The following GRIA3 variants were observed in gnomAD, a reference collection of about 807,000 sequenced individuals.
The protein encoded by GRIA3 is glutamate ionotropic receptor AMPA type subunit 3, also known as glutamate receptor 3.
A neutral mutation model predicts 63.0 loss-of-function variants in GRIA3; 3 were observed. The ratio of observed to expected loss-of-function variants is 0.05; its 90% confidence interval spans 0.02 to 0.12. GRIA3 has a LOEUF of 0.12. Ranked by LOEUF, GRIA3 falls within the 10% of genes least tolerant of loss-of-function variation. The pLI, the probability that GRIA3 is intolerant of heterozygous loss-of-function variation, is 1.00. For synonymous variants in GRIA3, 274 were observed against 257.9 expected (o/e 1.06, Z -0.60); for missense variants, 347 against 700.9 (o/e 0.50, Z 5.70).
intron 10 of GRIA3, among the ~76,000 whole-genome samples, 154 bp from the exon 11 acceptor site, chrX:123,417,248 C>T (rs1176079475): frequency 1.8e-5 from 2 of 112,260 alleles, no homozygotes; most frequent in African/African-American, 6.5e-5. Context: ...CCACTGAATG[C>T]TACCACTTTT....
intron 2 of GRIA3, among the ~76,000 whole-genome samples, chrX:123,199,849 A>G (rs1056398862): frequency 8.9e-6 from 1 of 112,153 alleles, no homozygotes; most frequent in Non-Finnish European, 1.9e-5. Flanking sequence ...CTATAGTCAA[A>G]AATGAGCAAA....
At chrX:123,260,448 GAAAGAAAGA>G (rs2044448326) in intron 3 of GRIA3, among the ~76,000 whole-genome samples, 1 of 11,131 alleles carries the variant, frequency 9.0e-5, no homozygotes, top group African/African-American at 2.4e-4. Flanking sequence ...AAGAAAGAAA[GAAAGAAAGA>G]AAGGAAGGAA....
intron 11 of GRIA3, among the ~76,000 whole-genome samples, chrX:123,424,942 T>C (rs1340385279): frequency 8.9e-6 from 1 of 111,910 alleles, no homozygotes; most frequent in Non-Finnish European, 1.9e-5. Flanking sequence ...ACCATTAGTA[T>C]TCACAGCAGC....
intron 12 of GRIA3, among the ~76,000 whole-genome samples, chrX:123,448,612 T>C (rs1213101567): frequency 1.8e-5 from 2 of 112,172 alleles, no homozygotes; most frequent in African/African-American, 6.5e-5. Context: ...AAATTGAAAA[T>C]AACTAAAATT....
At chrX:123,235,339 G>C (rs759667305) in intron 2 of GRIA3, among the ~76,000 whole-genome samples, 15 of 111,890 alleles carry the variant, frequency 1.3e-4, no homozygotes, top group African/African-American at 4.5e-4. Context: ...AGTAAATGTA[G>C]TACTCATGAA....
chrX:123,477,437 A>G (rs2045892222), intron 13 of GRIA3, among the ~76,000 whole-genome samples: 1 of 112,060 alleles, frequency 8.9e-6, no homozygotes, highest in Admixed American at 9.4e-5. Flanking sequence ...ATTTCTGTAA[A>G]TCTCTTTGGT....
intron 10 of GRIA3, among the ~76,000 whole-genome samples, chrX:123,415,032 C>G (rs1367401887): frequency 1.8e-5 from 2 of 112,155 alleles, no homozygotes; most frequent in Non-Finnish European, 3.8e-5. Context: ...ATTTACACTC[C>G]CAACAACAGT....
chrX:123,206,811 C>G (rs749627280), intron 2 of GRIA3, among the ~76,000 whole-genome samples: 31 of 112,024 alleles, frequency 2.8e-4, no homozygotes, highest in Admixed American at 9.5e-4. Context: ...TATAAACATA[C>G]TTTGATTGGA....
At chrX:123,378,417 T>G (rs1201009669) in intron 5 of GRIA3, among the ~76,000 whole-genome samples, 1 of 107,484 alleles carries the variant, frequency 9.3e-6, no homozygotes, top group African/African-American at 3.4e-5. Context: ...AGGCACTTTT[T>G]TTTTTTTTTT....
chrX:123,216,668 AC>A (rs1368510618), intron 2 of GRIA3, among the ~76,000 whole-genome samples: 1 of 111,733 alleles, frequency 8.9e-6, no homozygotes, highest in Admixed American at 9.5e-5. Flanking sequence ...CTCCACCACC[AC>A]CACCACTGAG....
chrX:123,280,313 A>G lies in GRIA3; in HGVS notation c.508+26771A>G, dbSNP rs1300851713. Among the ~76,000 whole-genome samples, 3 of 112,137 alleles carry G rather than the reference A, an allele frequency of 2.7e-5. No individual in the cohort carries two copies. In the East Asian group the frequency reaches 8.4e-4, roughly 31 times the overall value. ...TCACTATAGTCTCACTTTATTTCAC[A>G]TTCATCTTTTGCCTCTAAACTGTAC... On this transcript the variant is annotated intron_variant, in intron 3 of 15. Transcript: ENST00000620443.
intron 12 of GRIA3, among the ~76,000 whole-genome samples, chrX:123,447,904 A>T (rs2045711400): frequency 1.8e-5 from 2 of 112,167 alleles, no homozygotes; most frequent in Admixed American, 9.4e-5. Context: ...ACTATTTTTT[A>T]AAAACCTTGG....
intron 2 of GRIA3, among the ~76,000 whole-genome samples, chrX:123,214,903 A>C (rs1928123024): frequency 8.9e-6 from 1 of 111,864 alleles, no homozygotes; most frequent in Non-Finnish European, 1.9e-5. Flanking sequence ...AGACCTAAAG[A>C]AACCAACTCT....
intron 4 of GRIA3, among the ~76,000 whole-genome samples, chrX:123,327,081 G>A (rs747969749): frequency 3.6e-5 from 4 of 110,641 alleles, no homozygotes; most frequent in Non-Finnish European, 5.7e-5. Flanking sequence ...CACGAGAATC[G>A]CTTGAACCCG....
chrX:123,210,923 T>C, intron 2 of GRIA3, among the ~76,000 whole-genome samples: 1 of 112,196 alleles, frequency 8.9e-6, no homozygotes. Flanking sequence ...CTTTCAAAAA[T>C]GTATTTGGAT....
chrX:123,201,504 G>T (rs190637078), intron 2 of GRIA3, among the ~76,000 whole-genome samples: 285 of 110,782 alleles, frequency 2.6e-3, no homozygotes, highest in African/African-American at 8.8e-3. Flanking sequence ...AATATAGACT[G>T]TTATAGACAG....
intron 2 of GRIA3, among the ~76,000 whole-genome samples, chrX:123,218,571 T>C (rs890851668): frequency 4.5e-5 from 5 of 111,455 alleles, no homozygotes; most frequent in Non-Finnish European, 9.4e-5. Flanking sequence ...GCCATTCTCC[T>C]GCCTCAGCCT....
At chrX:123,276,477 T>C (rs947027851) in intron 3 of GRIA3, among the ~76,000 whole-genome samples, 7 of 112,114 alleles carry the variant, frequency 6.2e-5, no homozygotes, top group Non-Finnish European at 1.3e-4. Context: ...TGAAAATTTG[T>C]AAACTATACA....
At chrX:123,414,708 G>A (rs2045526756) in intron 10 of GRIA3, among the ~76,000 whole-genome samples, 1 of 108,822 alleles carries the variant, frequency 9.2e-6, no homozygotes, top group Admixed American at 9.9e-5. Context: ...TGCTGAGAAT[G>A]ATGGCTTCCA....
Sources: allele counts gnomAD v4.1 joint callset (sites outside exome capture counted in the v4.1 genomes callset), GRCh38; gene constraint gnomAD v4.1.1; transcripts MANE v1.5; gene names NCBI Gene and HGNC (gene_info 2026-07-23, HGNC 2026-07-21).